Variants in NAV2 observed in about 807,000 individuals in gnomAD.
The protein encoded by NAV2 is helicase, APC down-regulated 1.
A neutral mutation model predicts 223.2 loss-of-function variants in NAV2; 54 were observed. The observed-to-expected ratio is 0.24, with a 90% CI of 0.19 to 0.30. The LOEUF (loss-of-function observed/expected upper bound fraction) is 0.30. Ranked by LOEUF, NAV2 falls within the 10% of genes least tolerant of loss-of-function variation. The pLI is 1.00. For missense variants in NAV2, 2,806 were observed against 3,147.5 expected (o/e 0.89, Z 2.60); for synonymous variants, 1,279 against 1,239.3 (o/e 1.03, Z -0.67).
At chr11:19,463,071 G>A (rs976614646) in intron 1 of NAV2, among the ~76,000 whole-genome samples, 2 of 152,224 alleles carry the variant, frequency 1.3e-5, no homozygotes, top group Admixed American at 1.3e-4. Flanking sequence ...CCATTACTAT[G>A]TGATTCTGAG....
intron 1 of NAV2, among the ~76,000 whole-genome samples, chr11:19,456,804 T>C (rs888189831): frequency 3.3e-5 from 5 of 152,232 alleles, no homozygotes; most frequent in Non-Finnish European, 5.9e-5. Context: ...TGCAGTTTCC[T>C]GTTATGGCTG....
At chr11:19,640,721 G>C (rs113157982) in intron 1 of NAV2, among the ~76,000 whole-genome samples, 187 of 152,320 alleles carry the variant, frequency 1.2e-3, no homozygotes, top group Non-Finnish European at 2.3e-3. Context: ...TGGCTGGACT[G>C]TGAGCTAAGA....
intron 4 of NAV2, among the ~76,000 whole-genome samples, chr11:19,878,734 T>A (rs2063013077): frequency 6.6e-6 from 1 of 152,146 alleles, no homozygotes; most frequent in Non-Finnish European, 1.5e-5. Flanking sequence ...AGGGCGCACT[T>A]CCTCCTCTGC....
Position 19,982,947 on chromosome 11 carries a change from A to G in NAV2, c.2646-1178A>G, listed in dbSNP as rs536207962. On this transcript the variant is annotated intron_variant, in intron 10 of 37. Transcript: ENST00000349880. ...AGTGCAATTAAGCTTTCCATGACGT[A>G]GCTCAGCTGACCCTGTTTCAGAAAA... Among the ~76,000 whole-genome samples the G allele has an allele frequency of 5.9e-5, 9 of 152,346 alleles. No homozygotes were observed. The Middle Eastern group carries it at 0.01, about 173-fold the overall frequency.
chr11:19,622,005 C>T (rs1399388689), intron 1 of NAV2, among the ~76,000 whole-genome samples: 5 of 152,142 alleles, frequency 3.3e-5, no homozygotes, highest in African/African-American at 7.2e-5. Context: ...GCCTTCATTT[C>T]GTTATGTACC....
intron 1 of NAV2, among the ~76,000 whole-genome samples, chr11:19,515,138 T>A (rs1446618229): frequency 6.6e-6 from 1 of 152,074 alleles, no homozygotes; most frequent in Non-Finnish European, 1.5e-5. Flanking sequence ...ATGGATGGAG[T>A]GGTAGAGGGA....
chr11:19,987,356 G>A (rs570390197), intron 11 of NAV2, among the ~76,000 whole-genome samples: 30 of 152,194 alleles, frequency 2.0e-4, no homozygotes, highest in Non-Finnish European at 4.1e-4. Context: ...TAAAAAGATA[G>A]CCTGGTCCTT....
intron 1 of NAV2, among the ~76,000 whole-genome samples, chr11:19,459,832 A>C (rs1280165649): frequency 2.0e-5 from 3 of 152,160 alleles, no homozygotes; most frequent in Non-Finnish European, 2.9e-5. Context: ...GGAGCCACAG[A>C]ATGTTTTTGA....
At chr11:19,684,840 T>C (rs138817696) in intron 1 of NAV2, among the ~76,000 whole-genome samples, 307 of 152,372 alleles carry the variant, frequency 2.0e-3, no homozygotes, top group African/African-American at 7.0e-3. Flanking sequence ...CTCACATCCC[T>C]ATGGGCTCAA....
At chr11:19,888,711 C>T (rs1485181502) in intron 5 of NAV2, among the ~76,000 whole-genome samples, 1 of 152,106 alleles carries the variant, frequency 6.6e-6, no homozygotes, top group Non-Finnish European at 1.5e-5. Context: ...CACTCTGTCC[C>T]CCGAGTCCCA....
intron 1 of NAV2, among the ~76,000 whole-genome samples, chr11:19,729,808 G>A (rs1318330161): frequency 6.6e-6 from 1 of 152,186 alleles, no homozygotes; most frequent in Non-Finnish European, 1.5e-5. Context: ...AGACATCCCT[G>A]TAACAGTGGC....
chr11:20,064,282 T>C (rs2058897088), intron 20 of NAV2, among the ~76,000 whole-genome samples: 1 of 152,192 alleles, frequency 6.6e-6, no homozygotes, highest in African/African-American at 2.4e-5. Flanking sequence ...ACCATGGATA[T>C]ACCAGGCTCT....
intron 10 of NAV2, among the ~76,000 whole-genome samples, chr11:19,960,756 G>A (rs185062996): frequency 1.3e-3 from 197 of 152,214 alleles, no homozygotes; most frequent in African/African-American, 4.6e-3. Flanking sequence ...TGGGATTAGA[G>A]GCACATGCCA....
intron 12 of NAV2, among the ~76,000 whole-genome samples, chr11:20,041,158 C>A (rs12795296): frequency 0.41 from 62,811 of 151,874 alleles, 13,588 homozygotes; most frequent in South Asian, 0.58. Context: ...CTGGGTATAG[C>A]TATTAGGTGC....
chr11:19,521,788 G>T lies in NAV2; in HGVS notation c.75+170761G>T, dbSNP rs113271935. Among the ~76,000 whole-genome samples, 8 of 152,288 alleles carry T rather than the reference G, an allele frequency of 5.3e-5. No homozygotes were observed. In the South Asian group the frequency reaches 1.4e-3, roughly 28 times the overall value. ...CAGAGGGAATAAGTAACGTGCCAACGGTCGCTCCAGCAGAAATGCAAACCC... is the reference window on the plus strand; with the variant it reads ...CAGAGGGAATAAGTAACGTGCCAACTGTCGCTCCAGCAGAAATGCAAACCC... On this transcript the variant is annotated intron_variant, in intron 1 of 37. Coordinates refer to the NAV2 transcript ENST00000360655.
intron 1 of NAV2, among the ~76,000 whole-genome samples, chr11:19,716,136 G>T (rs1274404591): frequency 2.0e-5 from 3 of 152,088 alleles, no homozygotes; most frequent in African/African-American, 7.2e-5. Flanking sequence ...TCCCAAATTT[G>T]GTATATATTA....
chr11:19,868,860 C>A lies in NAV2; in HGVS notation c.439-65C>A, dbSNP rs75208795. ...AGCATTCTGTTTTCCCATTGTTCCTCATAAGAGATGGCTCTGGAGAGGCTG... is the reference window on the plus strand; with the variant it reads ...AGCATTCTGTTTTCCCATTGTTCCTAATAAGAGATGGCTCTGGAGAGGCTG... On this transcript the variant is annotated intron_variant, in intron 3 of 37. Transcript: ENST00000349880. 2.0e-3 allele frequency: 3,079 copies of A among 1,519,392 alleles called. 50 individuals are homozygous for A. The African/African-American group carries it at 0.036, about 18-fold the overall frequency. 94.1% of individuals were successfully genotyped at this position (1,519,392 alleles called of 1,614,324 possible).
chr11:19,658,667 A>G lies in NAV2; in HGVS notation c.76-173817A>G, dbSNP rs184926541. Among the ~76,000 whole-genome samples, 456 of 152,318 alleles carry G rather than the reference A, an allele frequency of 3.0e-3. 1 individual carries two copies. Among genetic ancestry groups the G allele is most frequent in the African/African-American group, 0.01 (417 of 41,568 alleles). ...GTGAGCCCCAGCAGTATCCCCGTGC[A>G]GGCTCTGACTGGCTCATGAGAACTA... On this transcript the variant is annotated intron_variant, in intron 1 of 37. Coordinates refer to the NAV2 transcript ENST00000360655.
chr11:19,364,904 A>G (rs1385928945), intron 1 of NAV2, among the ~76,000 whole-genome samples: 2 of 152,228 alleles, frequency 1.3e-5, no homozygotes, highest in African/African-American at 4.8e-5. Flanking sequence ...TACTATGCAA[A>G]GCTAGGTTTA....
Sources: gnomAD v4.1 joint callset for allele counts (sites outside exome capture counted in the v4.1 genomes callset) on GRCh38, gnomAD v4.1.1 for gene constraint, MANE v1.5 for transcripts, NCBI Gene and HGNC (gene_info 2026-07-23, HGNC 2026-07-21) for gene names.